CLSTN1: variants seen among roughly 807,000 people sequenced by gnomAD.
CLSTN1 encodes calsyntenin-1.
Under a neutral mutation model 108.3 loss-of-function variants are expected in CLSTN1, and 28 were observed. The observed-to-expected ratio is 0.26, with a 90% CI of 0.19 to 0.35. The LOEUF (loss-of-function observed/expected upper bound fraction) is 0.35. Ranked by LOEUF, CLSTN1 falls within the 10% of genes least tolerant of loss-of-function variation. The probability of loss-of-function intolerance (pLI) is 1.00; values close to 1 mark genes in which losing one functional copy is unlikely to be tolerated. For synonymous variants in CLSTN1, 524 were observed against 534.9 expected (o/e 0.98, Z 0.28); for missense variants, 1,157 against 1,302.6 (o/e 0.89, Z 1.72).
At chr1:9,736,292 T>G (rs1394720009) in intron 11 of CLSTN1, among the ~76,000 whole-genome samples, 1 of 152,170 alleles carries the variant, frequency 6.6e-6, no homozygotes. Context: ...AGAGGTCCCC[T>G]GAGGGTCCCC....
chr1:9,785,658 T>TCCTCCTC (rs1450338121), intron 1 of CLSTN1, among the ~76,000 whole-genome samples: 1 of 151,754 alleles, frequency 6.6e-6, no homozygotes, highest in Non-Finnish European at 1.5e-5. Context: ...CTGGGGGCAA[T>TCCTCCTC]CCTCCTCCCT....
At chr1:9,809,497 T>C (rs1654640309) in intron 1 of CLSTN1, among the ~76,000 whole-genome samples, 1 of 152,022 alleles carries the variant, frequency 6.6e-6, no homozygotes, top group Non-Finnish European at 1.5e-5. Flanking sequence ...AAATCTAAAC[T>C]GGGCCAGGCA....
intron 2 of CLSTN1, among the ~76,000 whole-genome samples, chr1:9,766,872 T>TA (rs1557705244): frequency 1.3e-5 from 2 of 152,224 alleles, no homozygotes; most frequent in African/African-American, 4.8e-5. Flanking sequence ...GTCTGATTAG[T>TA]GATGACTTAC....
intron 1 of CLSTN1, among the ~76,000 whole-genome samples, chr1:9,813,690 C>T (rs1654860218): frequency 2.0e-5 from 3 of 152,098 alleles, no homozygotes; most frequent in Admixed American, 2.0e-4. Context: ...ATTCATTATA[C>T]CCTTTAAAAG....
chr1:9,755,182 A>C lies in CLSTN1; in HGVS notation c.372T>G (p.Tyr124Ter), dbSNP rs200353490. 1 of 1,614,146 alleles carries C rather than the reference A, an allele frequency of 6.2e-7. No homozygotes were observed. Among genetic ancestry groups the C allele is most frequent in the East Asian group, 2.2e-5 (1 of 44,876 alleles). ...AATCATAGGCCTGGATGGTGAATGAATAGTCTTTCTGCAGCTCACAGTCCA... is the reference window on the plus strand; with the variant it reads ...AATCATAGGCCTGGATGGTGAATGACTAGTCTTTCTGCAGCTCACAGTCCA... ...EKLDCELQKD[Y>*]SFTIQAYDCG... Residue 124 changes from tyrosine to a stop codon, truncating the protein, a stop_gained, in exon 4 of 19, where the codon TAT (tyrosine) becomes TAG (stop). Transcript: ENST00000377298. LOFTEE classifies it high-confidence loss of function.
chr1:9,802,235 C>A (rs1292740347), intron 1 of CLSTN1, among the ~76,000 whole-genome samples: 1 of 152,118 alleles, frequency 6.6e-6, no homozygotes, highest in Non-Finnish European at 1.5e-5. Context: ...GAACTGAGAC[C>A]CAGGACTTTC....
At chr1:9,767,033 G>A (rs1287068310) in intron 2 of CLSTN1, among the ~76,000 whole-genome samples, 1 of 152,250 alleles carries the variant, frequency 6.6e-6, no homozygotes, top group African/African-American at 2.4e-5. Flanking sequence ...GGGCCCAGAG[G>A]CGGCTCTGTC....
At chr1:9,766,771 T>C (rs1652356743) in intron 2 of CLSTN1, among the ~76,000 whole-genome samples, 1 of 152,222 alleles carries the variant, frequency 6.6e-6, no homozygotes, top group South Asian at 2.1e-4. Context: ...ATCATTTAAA[T>C]TTCCTAAAAC....
At chr1:9,760,932 C>T (rs565720402) in intron 2 of CLSTN1, among the ~76,000 whole-genome samples, 20 of 151,976 alleles carry the variant, frequency 1.3e-4, no homozygotes, top group Non-Finnish European at 2.5e-4. Flanking sequence ...CAAACAACCT[C>T]ATCCGTTGCA....
chr1:9,787,828 A>G (rs1653566236), intron 1 of CLSTN1, among the ~76,000 whole-genome samples: 1 of 151,300 alleles, frequency 6.6e-6, no homozygotes, highest in South Asian at 2.2e-4. Context: ...AACCGTCACC[A>G]CCACTACCCG....
intron 1 of CLSTN1, among the ~76,000 whole-genome samples, chr1:9,796,452 G>T (rs1654006470): frequency 6.7e-6 from 1 of 150,332 alleles, no homozygotes; most frequent in Non-Finnish European, 1.5e-5. Flanking sequence ...CGAAGCGGGT[G>T]GATCACGAGG....
At chr1:9,748,308 C>T (rs1651379742) in intron 7 of CLSTN1, among the ~76,000 whole-genome samples, 1 of 152,102 alleles carries the variant, frequency 6.6e-6, no homozygotes, top group African/African-American at 2.4e-5. Flanking sequence ...GAAAAATATC[C>T]GCAGCTGACA....
chr1:9,812,313 C>T (rs1163090267), intron 1 of CLSTN1, among the ~76,000 whole-genome samples: 2 of 152,084 alleles, frequency 1.3e-5, no homozygotes, highest in African/African-American at 4.8e-5. Flanking sequence ...GAAGGGGAAA[C>T]TTGCACCCTG....
At chr1:9,773,216 G>A in intron 2 of CLSTN1, 56 bp downstream of exon 2, 2 of 1,608,964 alleles carry the variant, frequency 1.2e-6, no homozygotes, top group South Asian at 1.1e-5. Flanking sequence ...GGGATGTGCA[G>A]AATGCTTCCT....
Position 9,732,756 on chromosome 1 carries a change from A to G in CLSTN1, c.2427+645T>C, listed in dbSNP as rs80151834. On this transcript the variant is annotated intron_variant, in intron 16 of 18. Coordinates refer to ENST00000377298, the MANE Select transcript of CLSTN1 (RefSeq NM_001009566.3). Reference sequence around the variant, plus strand: ...CCTGTGAGTCACCAGCGCCAGCCTCAGCAGCACTGGTCCTGCCCGTGCGGG... The same window carrying G: ...CCTGTGAGTCACCAGCGCCAGCCTCGGCAGCACTGGTCCTGCCCGTGCGGG... Among the ~76,000 whole-genome samples the G allele has an allele frequency of 9.1e-3, 1,389 of 152,308 alleles. 15 individuals are homozygous for G. The highest frequency in any genetic ancestry group is 0.042 in the East Asian group (220 of 5,178).
chr1:9,764,687 G>A (rs1295352817), intron 2 of CLSTN1, among the ~76,000 whole-genome samples: 2 of 151,072 alleles, frequency 1.3e-5, no homozygotes, highest in Non-Finnish European at 2.9e-5. Context: ...GGTTTGGAGG[G>A]GACAAACATC....
chr1:9,788,253 C>G (rs1422271287), intron 1 of CLSTN1, among the ~76,000 whole-genome samples: 1 of 151,126 alleles, frequency 6.6e-6, no homozygotes, highest in Non-Finnish European at 1.5e-5. Flanking sequence ...GAGACCCTGT[C>G]TCAAAAAAAT....
At chr1:9,785,323 T>A (rs1348838812) in intron 1 of CLSTN1, among the ~76,000 whole-genome samples, 2 of 152,128 alleles carry the variant, frequency 1.3e-5, no homozygotes, top group South Asian at 2.1e-4. Flanking sequence ...ACAGATTTTT[T>A]AATTACTCTT....
intron 1 of CLSTN1, among the ~76,000 whole-genome samples, chr1:9,777,552 A>C (rs1051169739): frequency 2.6e-5 from 4 of 152,202 alleles, no homozygotes; most frequent in African/African-American, 9.7e-5. Context: ...AAAAAAGATA[A>C]TTTTAATACT....
Sources: gnomAD v4.1 joint callset for allele counts (sites outside exome capture counted in the v4.1 genomes callset) on GRCh38, gnomAD v4.1.1 for gene constraint, MANE v1.5 for transcripts, NCBI Gene and HGNC (gene_info 2026-07-23, HGNC 2026-07-21) for gene names.